CAMK2A: variants seen among roughly 807,000 people sequenced by gnomAD.
The protein encoded by CAMK2A is calcium/calmodulin dependent protein kinase II alpha.
A neutral mutation model predicts 79.2 loss-of-function variants in CAMK2A; 7 were observed. The observed-to-expected ratio is 0.09, with a 90% confidence interval of 0.05 to 0.17. The LOEUF is 0.17. Ranked by LOEUF, CAMK2A falls within the 10% of genes least tolerant of loss-of-function variation. The pLI, the probability that CAMK2A is intolerant of heterozygous loss-of-function variation, is 1.00. For missense variants in CAMK2A, 214 were observed against 646.4 expected (o/e 0.33, Z 7.25); for synonymous variants, 242 against 251.7 (o/e 0.96, Z 0.36).
Position 150,219,640 on chromosome 5 carries a change from G to GC in CAMK2A, c.*3069_*3070insG. ...AGCCACATATTTTTAAAAAAGAAAA[G>GC]AAAAAAAAAAAGAACTAAAACAAAA... On this transcript the variant is annotated 3_prime_UTR_variant, in exon 19 of 19. Transcript: ENST00000671881. 7.8e-6 allele frequency: 1 copy of GC among 128,214 alleles called. No homozygotes were observed. The highest frequency in any genetic ancestry group is 3.0e-5 in the African/African-American group (1 of 33,780). The allele number at this position is 128,214 out of a possible 1,614,324, so 7.9% of individuals were successfully genotyped here.
At position 150,245,167 on chromosome 5, in the gene CAMK2A, A is replaced by G. The variant is rs1310509775; in HGVS notation, c.978T>C (p.Gly326=). The change falls in exon 13 of 19, where the codon GGT becomes GGC. Residue 326 remains glycine, a synonymous_variant. Transcript: ENST00000671881. ...GKSGGNKKSD[G]VKKRKSSSSV... is the part of the protein sequence containing the mutation. ...GGCTCCTGGAGGGGCTTACCTTCAC[A>G]CCATCGCTCTTCTTGTTTCCCCCAC... is the stretch of plus-strand genomic sequence containing the variant. 3 of 1,613,660 alleles carry G rather than the reference A, an allele frequency of 1.9e-6. No individual in the cohort carries two copies. The South Asian group carries it at 3.3e-5, about 18-fold the overall frequency.
chr5:150,246,644 TCTGA>T (rs1490304420), intron 12 of CAMK2A, among the ~76,000 whole-genome samples: 2 of 152,208 alleles, frequency 1.3e-5, no homozygotes, highest in Non-Finnish European at 2.9e-5. Context: ...AAAAAAAGAC[TCTGA>T]CTATCTGGGT....
intron 1 of CAMK2A, among the ~76,000 whole-genome samples, chr5:150,276,416 C>T (rs1401197552): frequency 1.3e-5 from 2 of 152,092 alleles, no homozygotes; most frequent in Non-Finnish European, 2.9e-5. Context: ...TGGATTTCAG[C>T]AAGAGTGAGA....
At position 150,220,862 on chromosome 5, in the gene CAMK2A, G is replaced by T; in HGVS notation, c.*1848C>A. On this transcript the variant is annotated 3_prime_UTR_variant, in exon 19 of 19. Transcript: ENST00000671881. The stretch of plus-strand genomic sequence containing the variant: ...GCCTGGGCAGCAGGACTTGAGAAAA[G>T]AACCCAGCAGACAGCTGGTGATTGG... 1 of 152,558 alleles carries T rather than the reference G, an allele frequency of 6.6e-6. No individual in the cohort carries two copies. 9.5% of individuals were successfully genotyped at this position (152,558 alleles called of 1,614,324 possible).
chr5:150,229,232 C>G (rs1393473316), intron 16 of CAMK2A, among the ~76,000 whole-genome samples: 2 of 152,158 alleles, frequency 1.3e-5, no homozygotes, highest in Non-Finnish European at 1.5e-5. Context: ...TTGGGTGACC[C>G]CAGACAACTT....
intron 1 of CAMK2A, among the ~76,000 whole-genome samples, chr5:150,283,939 T>C (rs1039075312): frequency 6.6e-6 from 1 of 152,136 alleles, no homozygotes; most frequent in African/African-American, 2.4e-5. Flanking sequence ...TCACTGGCCT[T>C]AGAGTCCCAC....
intron 1 of CAMK2A, among the ~76,000 whole-genome samples, chr5:150,274,522 A>T (rs1030921917): frequency 1.3e-5 from 2 of 152,156 alleles, no homozygotes; most frequent in Admixed American, 1.3e-4. Context: ...CAACCCCTTC[A>T]TCTACAGAGG....
intron 3 of CAMK2A, among the ~76,000 whole-genome samples, chr5:150,260,054 T>A (rs1467159990): frequency 1.3e-5 from 2 of 152,186 alleles, no homozygotes; most frequent in African/African-American, 4.8e-5. Flanking sequence ...GTTCTATCAT[T>A]AATGTTTTCC....
chr5:150,242,673 G>A (rs1244915939), intron 13 of CAMK2A, among the ~76,000 whole-genome samples: 1 of 152,148 alleles, frequency 6.6e-6, no homozygotes, highest in African/African-American at 2.4e-5. Context: ...GCTGGCCTGG[G>A]TCACCCAGGG....
intron 9 of CAMK2A, among the ~76,000 whole-genome samples, chr5:150,251,469 T>C (rs112559837): frequency 5.6e-4 from 86 of 152,322 alleles, no homozygotes; most frequent in African/African-American, 1.9e-3. Flanking sequence ...TATAGAATTG[T>C]TAGCTATTAT....
At chr5:150,289,777 CAGG>C, upstream of CAMK2A, 1 of 597,556 alleles carries the variant, frequency 1.7e-6, no homozygotes. Context: ...GGCTTCTGAG[CAGG>C]GCACTGTGGC....
chr5:150,261,697 G>T (rs2150290659), intron 3 of CAMK2A, among the ~76,000 whole-genome samples: 1 of 152,270 alleles, frequency 6.6e-6, no homozygotes, highest in African/African-American at 2.4e-5. Flanking sequence ...CTAAATAGAA[G>T]GACTGGGAAC....
intron 2 of CAMK2A, among the ~76,000 whole-genome samples, chr5:150,268,754 T>C (rs1261761013): frequency 6.6e-6 from 1 of 152,166 alleles, no homozygotes; most frequent in African/African-American, 2.4e-5. Flanking sequence ...ACTATATTGC[T>C]TCCCATTCTA....
intron 15 of CAMK2A, among the ~76,000 whole-genome samples, chr5:150,237,196 G>A (rs967351151): frequency 6.6e-6 from 1 of 152,206 alleles, no homozygotes; most frequent in Admixed American, 6.5e-5. Context: ...TCAGGAGGCA[G>A]CCTTGGTATG....
intron 11 of CAMK2A, among the ~76,000 whole-genome samples, chr5:150,249,036 T>C (rs1755708782): frequency 6.6e-6 from 1 of 152,218 alleles, no homozygotes; most frequent in Non-Finnish European, 1.5e-5. Context: ...CACTGCAGGA[T>C]GGGGATGGGA....
At chr5:150,257,697 A>ATATCCAAC in intron 3 of CAMK2A, 80 bp from the exon 4 acceptor site, 1 of 1,111,752 alleles carries the variant, frequency 9.0e-7, no homozygotes, top group East Asian at 2.6e-5. Context: ...CCTCCCGTGT[A>ATATCCAAC]TATCCAACAC....
At chr5:150,251,060 C>T (rs151220128) in intron 9 of CAMK2A, among the ~76,000 whole-genome samples, 55 of 152,362 alleles carry the variant, frequency 3.6e-4, no homozygotes, top group African/African-American at 1.3e-3. Flanking sequence ...GCAGAGCAGC[C>T]GGTCAGTGGC....
At chr5:150,235,444 G>A (rs1248065425) in intron 15 of CAMK2A, among the ~76,000 whole-genome samples, 1 of 152,238 alleles carries the variant, frequency 6.6e-6, no homozygotes, top group Non-Finnish European at 1.5e-5. Flanking sequence ...CTACAGATGG[G>A]AAAGCCCAAA....
intron 1 of CAMK2A, among the ~76,000 whole-genome samples, chr5:150,286,639 T>G (rs1757435885): frequency 6.6e-6 from 1 of 152,204 alleles, no homozygotes; most frequent in African/African-American, 2.4e-5. Context: ...GGCTTAGCTT[T>G]TGGGTGGTGA....
Sources: gnomAD v4.1 joint callset for allele counts (sites outside exome capture counted in the v4.1 genomes callset) on GRCh38, gnomAD v4.1.1 for gene constraint, MANE v1.5 for transcripts, NCBI Gene and HGNC (gene_info 2026-07-23, HGNC 2026-07-21) for gene names.